PDK1: variants seen among roughly 807,000 people sequenced by gnomAD.
PDK1 encodes pyruvate dehydrogenase kinase 1, also known as [Pyruvate dehydrogenase (acetyl-transferring)] kinase isozyme 1, mitochondrial.
Under a neutral mutation model 54.2 loss-of-function variants are expected in PDK1, and 39 were observed. The ratio of observed to expected loss-of-function variants is 0.72; its 90% CI spans 0.56 to 0.94. The LOEUF is 0.94. Among genes scored for constraint, PDK1 ranks in the 40% least tolerant of loss-of-function variants. The pLI, the probability that PDK1 is intolerant of heterozygous loss-of-function variation, is 0.00. For synonymous variants in PDK1, 221 were observed against 207.1 expected (o/e 1.07, Z -0.58); for missense variants, 552 against 566.0 (o/e 0.98, Z 0.25).
At chr2:172,592,042 C>T (rs1250404990) in intron 9 of PDK1, among the ~76,000 whole-genome samples, 1 of 152,208 alleles carries the variant, frequency 6.6e-6, no homozygotes, top group Non-Finnish European at 1.5e-5. Context: ...GAAGGGAGTT[C>T]CTCCTGTGTC....
chr2:172,703,459 A>G, the PDK1 span, among the ~76,000 whole-genome samples: 2 of 152,212 alleles, frequency 1.3e-5, no homozygotes, highest in African/African-American at 4.8e-5. Flanking sequence ...TTATTTAATT[A>G]AATACCATAA....
At position 172,598,330 on chromosome 2, in the gene PDK1, C is replaced by T. The variant is rs1206303302; in HGVS notation, c.*2361C>T. 2.0e-5 allele frequency: 3 copies of T among 152,094 alleles called. No individual in the cohort carries two copies. Among genetic ancestry groups the T allele is most frequent in the Non-Finnish European group, 4.4e-5 (3 of 68,002 alleles). The allele number at this position is 152,094 out of a possible 1,614,324, so 9.4% of individuals were successfully genotyped here. A position where few individuals can be genotyped will look rare whatever the true frequency, so the allele number is the denominator to read the frequency against. On this transcript the variant is annotated 3_prime_UTR_variant, in exon 11 of 11. Coordinates refer to ENST00000282077, the MANE Select transcript of PDK1 (RefSeq NM_002610.5). ...TTTAAAGGAAAAATGAAATTATCTT[C>T]CTTTAGCTTATTTTTAAGGTAAAAC...
the PDK1 span, among the ~76,000 whole-genome samples, chr2:172,679,448 TAAC>T: frequency 5.3e-5 from 8 of 151,968 alleles, no homozygotes; most frequent in South Asian, 2.1e-4. Context: ...CTCTGTCTCT[TAAC>T]AACAACAACA....
rs1175087926 is a variant in PDK1, at chr2:172,583,281, G to GTTTTTTTT, written c.946-2973_946-2966dup. On this transcript the variant is annotated intron_variant, in intron 8 of 10. Coordinates refer to ENST00000282077, the MANE Select transcript of PDK1 (RefSeq NM_002610.5). The stretch of plus-strand genomic sequence containing the variant: ...CATAATGCTGCATAAAAGTTTTCTG[G>GTTTTTTTT]TTTTTTTTTTTTTTTTTTTTTTTTT... 1.5e-3 allele frequency among the ~76,000 whole-genome samples: 114 copies of GTTTTTTTT among 77,072 alleles called. 10 individuals carry two copies. Among genetic ancestry groups the GTTTTTTTT allele is most frequent in the African/African-American group, 3.2e-3 (60 of 18,480 alleles). 50.6% of individuals were successfully genotyped at this position (77,072 alleles called of 152,430 possible).
At chr2:172,674,166 A>C in the PDK1 span, 1 of 152,532 alleles carries the variant, frequency 6.6e-6, no homozygotes, top group Non-Finnish European at 1.5e-5. Flanking sequence ...CTTCCACCAG[A>C]CCTGGGAGGA....
the PDK1 span, among the ~76,000 whole-genome samples, chr2:172,628,560 G>A: frequency 2.0e-5 from 3 of 151,950 alleles, no homozygotes; most frequent in African/African-American, 7.3e-5. Context: ...TATGGCCTTG[G>A]TTATATAAAC....
chr2:172,689,164 G>T, the PDK1 span, among the ~76,000 whole-genome samples: 1 of 152,024 alleles, frequency 6.6e-6, no homozygotes, highest in South Asian at 2.1e-4. Context: ...TTTACAGAGT[G>T]CCGATTGGTC....
chr2:172,668,904 T>TAG, the PDK1 span, among the ~76,000 whole-genome samples: 13 of 69,844 alleles, frequency 1.9e-4, no homozygotes, highest in African/African-American at 6.1e-4. Flanking sequence ...CATATATATA[T>TAG]ATAGAGAGAG....
At chr2:172,677,932 GC>G in the PDK1 span, among the ~76,000 whole-genome samples, 1 of 152,204 alleles carries the variant, frequency 6.6e-6, no homozygotes, top group African/African-American at 2.4e-5. Flanking sequence ...ACTTTGGGAG[GC>G]CAAGGCAGGC....
rs1364078309 is a variant in PDK1, at chr2:172,606,853, TCTA to T, written c.*10885_*10887del. ...CCACAATGTGCAATCACCACCTCTG[TCTA>T]GTTCCAAAACATTTTTATCACCCTA... On this transcript the variant is annotated 3_prime_UTR_variant, in exon 11 of 11. Transcript: ENST00000282077. 1.3e-5 allele frequency: 2 copies of T among 152,078 alleles called. No individual in the cohort carries two copies. The highest frequency in any genetic ancestry group is 4.8e-5 in the African/African-American group (2 of 41,412). 9.4% of individuals were successfully genotyped at this position (152,078 alleles called of 1,614,324 possible).
At chr2:172,690,515 G>T in the PDK1 span, among the ~76,000 whole-genome samples, 2 of 149,914 alleles carry the variant, frequency 1.3e-5, no homozygotes, top group Non-Finnish European at 3.0e-5. Flanking sequence ...ATACCCAAAG[G>T]GTTATAAATC....
intron 1 of PDK1, 73 bp downstream of exon 1, chr2:172,556,419 G>C: frequency 8.4e-7 from 1 of 1,186,288 alleles, no homozygotes; most frequent in Non-Finnish European, 1.1e-6. Flanking sequence ...GCCCCAGGCC[G>C]GGTCGGCGCC....
chr2:172,667,615 G>A, the PDK1 span, among the ~76,000 whole-genome samples: 3 of 152,138 alleles, frequency 2.0e-5, no homozygotes, highest in Non-Finnish European at 4.4e-5. Context: ...CATGGTTTTC[G>A]CAAATATTAC....
chr2:172,722,991 TG>T, the PDK1 span, among the ~76,000 whole-genome samples: 113 of 152,180 alleles, frequency 7.4e-4, no homozygotes, highest in African/African-American at 2.7e-3. Flanking sequence ...GCACACATAC[TG>T]CTTCCATCTG....
chr2:172,679,979 C>T, the PDK1 span, among the ~76,000 whole-genome samples: 10 of 152,142 alleles, frequency 6.6e-5, no homozygotes, highest in Non-Finnish European at 4.4e-5. Flanking sequence ...ATTTCAGAGA[C>T]ACAAGAAATA....
rs1690998240 is a variant in PDK1 at position 172,598,451 on chromosome 2, A to G, written c.*2482A>G. On this transcript the variant is annotated 3_prime_UTR_variant, in exon 11 of 11. Transcript: ENST00000282077. The stretch of plus-strand genomic sequence containing the variant: ...CTAGTTGGTTTTAAATCATTGTGCC[A>G]CCTGAAAGGTTTTTAGATTTTATAG... 1 of 152,206 alleles carries G rather than the reference A, an allele frequency of 6.6e-6. No homozygotes were observed. The highest frequency in any genetic ancestry group is 2.4e-5 in the African/African-American group (1 of 41,460). 9.4% of individuals were successfully genotyped at this position (152,206 alleles called of 1,614,324 possible). A position where few individuals can be genotyped will look rare whatever the true frequency, so the allele number is the denominator to read the frequency against.
the PDK1 span, among the ~76,000 whole-genome samples, chr2:172,655,328 T>A: frequency 3.0e-3 from 378 of 128,038 alleles, 6 homozygotes; most frequent in African/African-American, 0.011. Flanking sequence ...TGTTCACATT[T>A]CCCAGTGTTG....
chr2:172,673,385 A>G, the PDK1 span, among the ~76,000 whole-genome samples: 1 of 152,222 alleles, frequency 6.6e-6, no homozygotes, highest in Non-Finnish European at 1.5e-5. Flanking sequence ...CTTAATAAAC[A>G]TGCTTGAGCC....
At chr2:172,628,337 C>T in the PDK1 span, among the ~76,000 whole-genome samples, 5 of 152,164 alleles carry the variant, frequency 3.3e-5, no homozygotes, top group South Asian at 2.1e-4. Context: ...TCTGGTCTCA[C>T]GGTGCCGGGC....
Sources: gnomAD v4.1 joint callset for allele counts (sites outside exome capture counted in the v4.1 genomes callset) on GRCh38, gnomAD v4.1.1 for gene constraint, MANE v1.5 for transcripts, NCBI Gene and HGNC (gene_info 2026-07-23, HGNC 2026-07-21) for gene names.